LRRC20: variants seen among roughly 807,000 people sequenced by gnomAD.
The protein encoded by LRRC20 is leucine-rich repeat-containing protein 20.
Under a neutral mutation model 14.4 loss-of-function variants are expected in LRRC20, and 11 were observed. The observed-to-expected ratio is 0.77, with a 90% CI of 0.48 to 1.27. LRRC20 has a LOEUF of 1.27. Among genes scored for constraint, LRRC20 ranks in the 50% most tolerant of loss-of-function variants. The pLI is 0.00. For missense variants in LRRC20, 219 were observed against 251.2 expected, an observed-to-expected ratio of 0.87 and a Z score of 0.87; for synonymous variants, 121 against 107.3, an observed-to-expected ratio of 1.13 and a Z score of -0.79.
chr10:70,325,931 C>T (rs74899851), intron 3 of LRRC20, among the ~76,000 whole-genome samples: 2,503 of 152,150 alleles, frequency 0.016, 128 homozygotes, highest in East Asian at 0.14. Context: ...TTTTAATGCT[C>T]TCATAATTGC....
In LRRC20 at chr10:70,300,325, A is replaced by G; in HGVS notation, c.*1029T>C. On this transcript the variant is annotated 3_prime_UTR_variant, in exon 5 of 5. Coordinates refer to ENST00000446961, the MANE Select transcript of LRRC20 (RefSeq NM_001278212.2). ...AAGTTCCATGTCCTGGGAAACCAGG[A>G]CAGCTGGTCACCCTGTTGCCTGACC... 3.1e-6 allele frequency: 3 copies of G among 975,650 alleles called. No individual in the cohort carries two copies. The highest frequency in any genetic ancestry group is 3.7e-6 in the Non-Finnish European group (3 of 821,042). The allele number at this position is 975,650 out of a possible 1,614,324, so 60.4% of individuals were successfully genotyped here.
At chr10:70,338,643 T>C (rs758366725) in intron 3 of LRRC20, among the ~76,000 whole-genome samples, 2 of 152,108 alleles carry the variant, frequency 1.3e-5, no homozygotes, top group Admixed American at 6.5e-5. Context: ...GGTTTTGTTT[T>C]TTTGGTTTTT....
intron 2 of LRRC20, among the ~76,000 whole-genome samples, chr10:70,374,867 G>GT (rs370042215): frequency 7.4e-4 from 112 of 152,314 alleles, no homozygotes; most frequent in African/African-American, 2.6e-3. Flanking sequence ...AGCTCCCTAT[G>GT]TGCCAAACAC....
intron 2 of LRRC20, among the ~76,000 whole-genome samples, chr10:70,342,227 T>A (rs1230726835): frequency 1.3e-5 from 2 of 151,972 alleles, no homozygotes; most frequent in Non-Finnish European, 2.9e-5. Flanking sequence ...TGAGAATCGC[T>A]TCAACCTGGG....
intron 3 of LRRC20, among the ~76,000 whole-genome samples, chr10:70,324,405 C>T (rs1446465079): frequency 3.9e-5 from 6 of 152,216 alleles, no homozygotes; most frequent in Admixed American, 6.5e-5. Context: ...CTCTCCCCCT[C>T]GGGGCTCCCC....
At chr10:70,350,807 C>T (rs76753498) in intron 2 of LRRC20, among the ~76,000 whole-genome samples, 6,328 of 152,304 alleles carry the variant, frequency 0.042, 461 homozygotes, top group African/African-American at 0.15. Flanking sequence ...GTGTGACCCA[C>T]TCCCACTGAG....
chr10:70,305,741 C>A, intron 4 of LRRC20, among the ~76,000 whole-genome samples: 1 of 118,084 alleles, frequency 8.5e-6, no homozygotes, highest in Non-Finnish European at 1.8e-5. Context: ...CTAGATTTGC[C>A]AATTTTTTTT....
At chr10:70,309,078 T>C (rs1841539412) in intron 4 of LRRC20, among the ~76,000 whole-genome samples, 1 of 152,180 alleles carries the variant, frequency 6.6e-6, no homozygotes, top group Non-Finnish European at 1.5e-5. Flanking sequence ...AGGAGTTCTG[T>C]TGCAGCCATT....
intron 4 of LRRC20, among the ~76,000 whole-genome samples, chr10:70,321,687 C>T (rs1842079425): frequency 6.6e-6 from 1 of 152,198 alleles, no homozygotes; most frequent in Admixed American, 6.5e-5. Context: ...CAAGGCCTGG[C>T]CGAGGCCAGG....
intron 2 of LRRC20, among the ~76,000 whole-genome samples, chr10:70,343,032 C>A (rs1453190707): frequency 6.6e-6 from 1 of 152,162 alleles, no homozygotes; most frequent in Non-Finnish European, 1.5e-5. Context: ...TTCCTAACAG[C>A]AACAATAATA....
intron 4 of LRRC20, among the ~76,000 whole-genome samples, chr10:70,302,576 G>A (rs1841239984): frequency 6.6e-6 from 1 of 152,194 alleles, no homozygotes; most frequent in Non-Finnish European, 1.5e-5. Context: ...ATGCCACTGA[G>A]CTACAGTATG....
chr10:70,315,842 C>T (rs1029134385), intron 4 of LRRC20, among the ~76,000 whole-genome samples: 1 of 152,204 alleles, frequency 6.6e-6, no homozygotes, highest in Non-Finnish European at 1.5e-5. Flanking sequence ...CTCATGTCTT[C>T]GTTCAGTGAC....
Position 70,319,889 on chromosome 10 carries a change from C to G in LRRC20, c.400+3974G>C, listed in dbSNP as rs147822324. Among the ~76,000 whole-genome samples the G allele has an allele frequency of 9.2e-5, 14 of 152,330 alleles. No individual in the cohort carries two copies. The East Asian group carries it at 2.7e-3, about 29-fold the overall frequency. ...AACAACTGTGTCCTGGCAGGCCAGT[C>G]CCCAAGACCCCGGAAGCCTCTCATC... On this transcript the variant is annotated intron_variant, in intron 4 of 4. Coordinates refer to ENST00000446961, the MANE Select transcript of LRRC20 (RefSeq NM_001278212.2).
At chr10:70,316,820 T>C (rs1447772608) in intron 4 of LRRC20, among the ~76,000 whole-genome samples, 2 of 152,250 alleles carry the variant, frequency 1.3e-5, no homozygotes, top group Non-Finnish European at 2.9e-5. Context: ...ACACAATCGA[T>C]GCCTGCACCT....
intron 2 of LRRC20, among the ~76,000 whole-genome samples, chr10:70,346,416 A>G (rs1425328317): frequency 6.6e-6 from 1 of 152,292 alleles, no homozygotes; most frequent in East Asian, 1.9e-4. Context: ...TATCTCTAAT[A>G]AAATAAAGTA....
At chr10:70,344,172 A>G (rs536231483) in intron 2 of LRRC20, among the ~76,000 whole-genome samples, 1 of 152,268 alleles carries the variant, frequency 6.6e-6, no homozygotes, top group South Asian at 2.1e-4. Context: ...ACTGCACTCC[A>G]GCCTGAGTGA....
At chr10:70,309,925 G>A (rs115882614) in intron 4 of LRRC20, among the ~76,000 whole-genome samples, 2,021 of 152,332 alleles carry the variant, frequency 0.013, 49 homozygotes, top group African/African-American at 0.046. Flanking sequence ...CGGCACTGCC[G>A]GGGTCTCGGC....
rs750085807 is a variant in LRRC20 at position 70,323,965 on chromosome 10, TGAGGTGCTGCAGGGCACTGACCTCGCTG to T, written c.270_297del (p.Ser91ArgfsTer34). The T allele has an allele frequency of 1.4e-4, 229 of 1,614,162 alleles. 1 individual carries two copies. The highest frequency in any genetic ancestry group is 1.7e-4 in the Non-Finnish European group (206 of 1,180,012). On this transcript the variant is annotated frameshift_variant, in exon 4 of 5. Coordinates refer to ENST00000446961, the MANE Select transcript of LRRC20 (RefSeq NM_001278212.2). LOFTEE classifies it high-confidence loss of function. The stretch of plus-strand genomic sequence containing the variant: ...TGGTTCCGGGACAGGTCAATGGCCT[TGAGGTGCTGCAGGGCACTGACCTCGCTG>T]GGGAGGCGGTGTAGGAAGTTCCCCT...
At chr10:70,376,125 A>G (rs1844499445) in intron 2 of LRRC20, among the ~76,000 whole-genome samples, 1 of 152,174 alleles carries the variant, frequency 6.6e-6, no homozygotes, top group Non-Finnish European at 1.5e-5. Context: ...GGAGGCGCCC[A>G]GCACGGGGCC....
Sources: allele counts gnomAD v4.1 joint callset (sites outside exome capture counted in the v4.1 genomes callset), GRCh38; gene constraint gnomAD v4.1.1; transcripts MANE v1.5; gene names NCBI Gene and HGNC (gene_info 2026-07-23, HGNC 2026-07-21).